TSHZ3: variants seen among roughly 807,000 people sequenced by gnomAD.
TSHZ3 encodes the protein teashirt zinc finger homeobox 3.
In TSHZ3, 10 loss-of-function variants were observed where a neutral mutation model predicts 64.5. That is an observed-to-expected ratio of 0.16 (90% CI 0.10 to 0.26). The LOEUF (loss-of-function observed/expected upper bound fraction) is 0.26. Among genes scored for constraint, TSHZ3 ranks in the 10% least tolerant of loss-of-function variants. The pLI is 1.00. For synonymous variants in TSHZ3, 608 were observed against 593.1 expected (o/e 1.03, Z -0.36); for missense variants, 1,242 against 1,421.7 (o/e 0.87, Z 2.03).
chr19:31,181,783 A>G (rs1010714104), intron 5 of TSHZ3, among the ~76,000 whole-genome samples: 2 of 152,180 alleles, frequency 1.3e-5, no homozygotes, highest in Admixed American at 1.3e-4. Context: ...TTGTTGCTGG[A>G]CATTTTTTCT....
intron 5 of TSHZ3, among the ~76,000 whole-genome samples, chr19:31,186,871 C>T (rs4804953): frequency 0.63 from 96,270 of 151,998 alleles, 30,689 homozygotes; most frequent in Middle Eastern, 0.72. Flanking sequence ...TTTGTTCACA[C>T]GTTTTGCCTA....
In TSHZ3 at chr19:31,276,853, A is replaced by G. The variant is rs1329342856; in HGVS notation, c.2940T>C (p.Asp980=). ...DTGHPVFFCN[D]CASQIRTPST... ...AAGGAGTCCTGATTTGGGACGCACA[A>G]TCGTTACAAAAGAAGACGGGGTGGC... The change falls in exon 2 of 2, where the codon GAT becomes GAC. Residue 980 remains aspartate, a synonymous_variant. Coordinates refer to ENST00000240587, the MANE Select transcript of TSHZ3 (RefSeq NM_020856.4). The G allele has an allele frequency of 1.2e-6, 2 of 1,614,204 alleles. No homozygotes were observed. The highest frequency in any genetic ancestry group is 2.2e-5 in the South Asian group (2 of 91,082).
Position 31,247,628 on chromosome 19 carries a change from G to A in TSHZ3, n.64-4753C>T, listed in dbSNP as rs567055444. On this transcript the variant is annotated intron_variant and non_coding_transcript_variant, in intron 1 of 6. Transcript: ENST00000651361. Reference sequence around the variant, plus strand: ...TGATTTCCTTCCACCACTAAGGAGAGTGTTAGGATAATCAGCCCCATCAGA... The same window carrying A: ...TGATTTCCTTCCACCACTAAGGAGAATGTTAGGATAATCAGCCCCATCAGA... Among the ~76,000 whole-genome samples the A allele has an allele frequency of 2.0e-5, 3 of 152,284 alleles. No homozygotes were observed. The East Asian group carries it at 5.8e-4, about 29-fold the overall frequency.
At chr19:31,180,777 T>C (rs1388133334) in intron 5 of TSHZ3, among the ~76,000 whole-genome samples, 6 of 152,222 alleles carry the variant, frequency 3.9e-5, no homozygotes, top group South Asian at 2.1e-4. Flanking sequence ...GCTTTTATGA[T>C]AACCGCCATC....
chr19:31,271,609 A>G (rs1599615380), downstream of TSHZ3, among the ~76,000 whole-genome samples: 1 of 152,204 alleles, frequency 6.6e-6, no homozygotes, highest in East Asian at 1.9e-4. Context: ...TATTTTGCAG[A>G]GGCCGGTGAG....
intron 1 of TSHZ3, among the ~76,000 whole-genome samples, chr19:31,265,994 G>A (rs1976049386): frequency 6.6e-6 from 1 of 152,180 alleles, no homozygotes; most frequent in African/African-American, 2.4e-5. Context: ...AATTCCTGCT[G>A]ACAGCATCTT....
At chr19:31,265,486 AGGATTCTCCCTATT>A (rs964112976) in intron 1 of TSHZ3, among the ~76,000 whole-genome samples, 13 of 152,164 alleles carry the variant, frequency 8.5e-5, no homozygotes, top group African/African-American at 3.1e-4. Flanking sequence ...GTTTCTCATC[AGGATTCTCCCTATT>A]GTAAATTGAA....
Position 31,344,266 on chromosome 19 carries a change from C to T in TSHZ3, c.40+4914G>A, listed in dbSNP as rs557309824. ...CCACTGTTCCCTTCTGTCCTTTTCCCCTCCATGGGCTTTGAGGGTGATGCT... is the reference window on the plus strand; with the variant it reads ...CCACTGTTCCCTTCTGTCCTTTTCCTCTCCATGGGCTTTGAGGGTGATGCT... On this transcript the variant is annotated intron_variant, in intron 1 of 1. Coordinates refer to ENST00000240587, the MANE Select transcript of TSHZ3 (RefSeq NM_020856.4). Among the ~76,000 whole-genome samples the T allele has an allele frequency of 5.4e-4, 82 of 152,272 alleles. 2 individuals carry two copies. Among genetic ancestry groups the T allele is most frequent in the Non-Finnish European group, 8.1e-4 (55 of 68,026 alleles).
At chr19:31,295,353 G>A (rs965658693) in intron 1 of TSHZ3, among the ~76,000 whole-genome samples, 4 of 152,156 alleles carry the variant, frequency 2.6e-5, no homozygotes, top group South Asian at 4.1e-4. Context: ...AGACCTGTAC[G>A]CTGATATCCT....
At chr19:31,342,576 G>T (rs1917470401) in intron 1 of TSHZ3, among the ~76,000 whole-genome samples, 1 of 152,074 alleles carries the variant, frequency 6.6e-6, no homozygotes, top group African/African-American at 2.4e-5. Context: ...ACATTAAATT[G>T]TTCATTAAAA....
At chr19:31,311,672 T>C (rs1383190359) in intron 1 of TSHZ3, among the ~76,000 whole-genome samples, 1 of 152,170 alleles carries the variant, frequency 6.6e-6, no homozygotes, top group Non-Finnish European at 1.5e-5. Context: ...GAATCCCGTT[T>C]AGGGTCCATT....
intron 1 of TSHZ3, among the ~76,000 whole-genome samples, chr19:31,296,382 T>G (rs369285422): frequency 1.2e-4 from 17 of 147,054 alleles, no homozygotes; most frequent in African/African-American, 4.1e-4. Flanking sequence ...TTGCCCAGGC[T>G]GGAGTCCAGT....
At position 31,275,103 on chromosome 19, in the gene TSHZ3, G is replaced by C. The variant is rs1012680170; in HGVS notation, c.*1444C>G. The C allele has an allele frequency of 2.2e-4, 33 of 152,528 alleles. No individual in the cohort carries two copies. The highest frequency in any genetic ancestry group is 7.5e-4 in the African/African-American group (31 of 41,388). 9.4% of individuals were successfully genotyped at this position (152,528 alleles called of 1,614,324 possible). ...TATTTTATACAAAGGTTCTCATATG[G>C]TGTCAGCTGTCAGTTACTTCTGCAA... On this transcript the variant is annotated 3_prime_UTR_variant, in exon 2 of 2. Coordinates refer to ENST00000240587, the MANE Select transcript of TSHZ3 (RefSeq NM_020856.4).
At chr19:31,329,416 T>A (rs923009656) in intron 1 of TSHZ3, among the ~76,000 whole-genome samples, 11 of 152,188 alleles carry the variant, frequency 7.2e-5, no homozygotes, top group Admixed American at 3.3e-4. Context: ...AAGAACTTAG[T>A]GGTATAAGGT....
intron 5 of TSHZ3, chr19:31,167,472 C>A (rs1183661485): frequency 1.3e-5 from 2 of 152,136 alleles, no homozygotes; most frequent in African/African-American, 4.8e-5. Flanking sequence ...GCAAGTCCAG[C>A]AAGAGTTGAA....
chr19:31,336,259 AGAACGAACTTCCT>A (rs1220736765), intron 1 of TSHZ3, among the ~76,000 whole-genome samples: 1 of 152,234 alleles, frequency 6.6e-6, no homozygotes, highest in Non-Finnish European at 1.5e-5. Flanking sequence ...AGAAAAAGCA[AGAACGAACTTCCT>A]GAACTATGAC....
rs756213588 is a variant in TSHZ3 at position 31,278,077 on chromosome 19, G to A, written c.1716C>T (p.Pro572=). The A allele has an allele frequency of 6.8e-6, 11 of 1,614,022 alleles. No homozygotes were observed. Among genetic ancestry groups the A allele is most frequent in the Non-Finnish European group, 9.3e-6 (11 of 1,179,912 alleles). ...LSLGSSGKST[P]LKPMFGNSEI... is the part of the protein sequence containing the mutation. Reference sequence around the variant, plus strand: ...CACTGTTGCCAAACATGGGTTTCAGGGGCGTGCTCTTCCCCGACGAGCCCA... The same window carrying A: ...CACTGTTGCCAAACATGGGTTTCAGAGGCGTGCTCTTCCCCGACGAGCCCA... The change falls in exon 2 of 2, where the codon CCC becomes CCT. Residue 572 remains proline (P), a synonymous_variant. Coordinates refer to ENST00000240587, the MANE Select transcript of TSHZ3 (RefSeq NM_020856.4). The surrounding 1 kb of genome is among the most constrained non-coding windows in gnomAD (Gnocchi z 4.7).
intron 1 of TSHZ3, among the ~76,000 whole-genome samples, chr19:31,265,365 C>T (rs1976038370): frequency 1.6e-5 from 2 of 127,004 alleles, no homozygotes; most frequent in South Asian, 5.1e-4. Flanking sequence ...CCATTGCACT[C>T]CAGCCTGGGC....
At chr19:31,258,436 C>A (rs1568361663) in intron 1 of TSHZ3, among the ~76,000 whole-genome samples, 1 of 152,196 alleles carries the variant, frequency 6.6e-6, no homozygotes, top group Non-Finnish European at 1.5e-5. Context: ...GCTCCAAGTC[C>A]TCAACCCGGG....
Sources: gnomAD v4.1 joint callset for allele counts (sites outside exome capture counted in the v4.1 genomes callset) on GRCh38, gnomAD v4.1.1 for gene constraint, Gnocchi (gnomAD v3.1) non-coding constraint, MANE v1.5 for transcripts, NCBI Gene and HGNC (gene_info 2026-07-23, HGNC 2026-07-21) for gene names.